Variants in MYO10 observed in about 807,000 individuals in gnomAD.
MYO10 encodes the protein myosin X.
Under a neutral mutation model 257.3 loss-of-function variants are expected in MYO10, and 133 were observed. The observed-to-expected ratio is 0.52, with a 90% confidence interval of 0.45 to 0.60. The LOEUF (loss-of-function observed/expected upper bound fraction) is 0.60. MYO10 is among the 20% of genes least tolerant of loss of function. The probability of loss-of-function intolerance (pLI) is 0.00; values close to 1 mark genes in which losing one functional copy is unlikely to be tolerated. For synonymous variants in MYO10, 1,104 were observed against 1,028.6 expected (o/e 1.07, Z -1.40); for missense variants, 2,399 against 2,635.7 (o/e 0.91, Z 1.97).
At chr5:16,764,917 G>GACCTCAGGTGATCTGCCC (rs1257815786) in intron 11 of MYO10, among the ~76,000 whole-genome samples, 1 of 152,114 alleles carries the variant, frequency 6.6e-6, no homozygotes, top group Admixed American at 6.6e-5. Flanking sequence ...TCAAACTCCT[G>GACCTCAGGTGATCTGCCC]ACCTCAGGTG....
intron 2 of MYO10, among the ~76,000 whole-genome samples, chr5:16,868,714 G>C (rs960807114): frequency 1.3e-5 from 2 of 152,134 alleles, no homozygotes; most frequent in African/African-American, 4.8e-5. Flanking sequence ...TGTGTGCTGG[G>C]GCCTTCAGAG....
chr5:16,836,530 T>C (rs931133908), intron 2 of MYO10, among the ~76,000 whole-genome samples: 13 of 152,130 alleles, frequency 8.5e-5, no homozygotes, highest in African/African-American at 3.1e-4. Flanking sequence ...AGATGGAAAC[T>C]GATGAAAATA....
intron 18 of MYO10, among the ~76,000 whole-genome samples, chr5:16,757,073 C>T (rs892381690): frequency 1.4e-5 from 2 of 143,936 alleles, no homozygotes; most frequent in Non-Finnish European, 3.0e-5. Flanking sequence ...GAGCTGAGAT[C>T]GTGCCATTGC....
At chr5:16,883,266 G>A (rs553673796) in intron 1 of MYO10, among the ~76,000 whole-genome samples, 11 of 152,192 alleles carry the variant, frequency 7.2e-5, no homozygotes, top group Non-Finnish European at 1.5e-4. Flanking sequence ...AAATGCACAT[G>A]AACATTCTTA....
At chr5:16,832,555 C>G (rs1310444867) in intron 2 of MYO10, among the ~76,000 whole-genome samples, 1 of 152,134 alleles carries the variant, frequency 6.6e-6, no homozygotes, top group South Asian at 2.1e-4. Context: ...ATGGATGGAA[C>G]CCCCAATTCT....
At chr5:16,691,239 C>T (rs1282063344) in intron 27 of MYO10, among the ~76,000 whole-genome samples, 2 of 146,054 alleles carry the variant, frequency 1.4e-5, no homozygotes, top group Non-Finnish European at 3.0e-5. Context: ...CACTGCACTC[C>T]AACCTGGGCG....
intron 19 of MYO10, among the ~76,000 whole-genome samples, chr5:16,746,184 G>A (rs955832313): frequency 2.6e-5 from 4 of 152,152 alleles, no homozygotes; most frequent in South Asian, 4.1e-4. Context: ...TGAGGCTGCC[G>A]TGGCATTTGT....
At chr5:16,918,275 T>C (rs937145487) in intron 1 of MYO10, among the ~76,000 whole-genome samples, 6 of 151,334 alleles carry the variant, frequency 4.0e-5, no homozygotes, top group Non-Finnish European at 8.8e-5. Context: ...ACAAGGCAGA[T>C]AGAAGCATCA....
At chr5:16,766,285 C>T (rs983799342) in intron 10 of MYO10, 87 bp from the exon 11 acceptor site, 59 of 924,552 alleles carry the variant, frequency 6.4e-5, no homozygotes, top group Non-Finnish European at 8.1e-5. Flanking sequence ...GAGAACACAC[C>T]TGAATCCCTC....
intron 29 of MYO10, among the ~76,000 whole-genome samples, 180 bp from the exon 30 acceptor site, chr5:16,684,115 C>T (rs557618346): frequency 1.3e-5 from 2 of 152,276 alleles, no homozygotes; most frequent in East Asian, 1.9e-4. Context: ...AGCCTCTACA[C>T]GGAGCAGAAT....
At chr5:16,738,568 G>T (rs1289161035) in intron 19 of MYO10, among the ~76,000 whole-genome samples, 1 of 151,838 alleles carries the variant, frequency 6.6e-6, no homozygotes, top group African/African-American at 2.4e-5. Flanking sequence ...AGCTCCCAGG[G>T]GAGGCAAGAC....
intron 3 of MYO10, among the ~76,000 whole-genome samples, chr5:16,796,384 CAG>C (rs1345378104): frequency 6.5e-5 from 8 of 122,448 alleles, no homozygotes; most frequent in African/African-American, 1.9e-4. Context: ...AAGAAAAGAA[CAG>C]AACACAACAC....
At chr5:16,874,496 G>A (rs187123493) in intron 2 of MYO10, among the ~76,000 whole-genome samples, 1 of 152,154 alleles carries the variant, frequency 6.6e-6, no homozygotes, top group East Asian at 1.9e-4. Flanking sequence ...TCCACCAGAT[G>A]CCCTAAATCA....
chr5:16,735,420 T>C (rs1189444061), intron 19 of MYO10, among the ~76,000 whole-genome samples: 5 of 152,056 alleles, frequency 3.3e-5, no homozygotes, highest in South Asian at 2.1e-4. Flanking sequence ...AATGCTACCA[T>C]GAGGCCAGGT....
intron 2 of MYO10, among the ~76,000 whole-genome samples, chr5:16,823,369 C>CG (rs1293831103): frequency 3.1e-5 from 4 of 129,092 alleles, no homozygotes; most frequent in African/African-American, 5.9e-5. Flanking sequence ...CACTTGAACC[C>CG]GGGGGGCAGA....
chr5:16,784,880 T>C (rs1247447761), intron 4 of MYO10, among the ~76,000 whole-genome samples: 3 of 152,312 alleles, frequency 2.0e-5, no homozygotes, highest in Admixed American at 2.0e-4. Context: ...TCCACTGGTC[T>C]AGACAACCAC....
At chr5:16,699,412 T>A (rs959197316) in intron 26 of MYO10, 38 bp downstream of exon 26, 6 of 1,598,416 alleles carry the variant, frequency 3.8e-6, no homozygotes, top group Non-Finnish European at 4.3e-6. Flanking sequence ...CGCCTCGCTC[T>A]CCCCCTAACC....
At chr5:16,718,791 A>C (rs1221466358) in intron 19 of MYO10, among the ~76,000 whole-genome samples, 1 of 152,044 alleles carries the variant, frequency 6.6e-6, no homozygotes, top group Non-Finnish European at 1.5e-5. Flanking sequence ...TTGTGAGTAC[A>C]CCAATCAACA....
At chr5:16,671,332 C>A in intron 38 of MYO10, 90 bp downstream of exon 38, 1 of 1,472,890 alleles carries the variant, frequency 6.8e-7, no homozygotes, top group South Asian at 1.3e-5. Context: ...TGCCTCATTT[C>A]TAAGTACCAG....
Sources: allele counts gnomAD v4.1 joint callset (sites outside exome capture counted in the v4.1 genomes callset), GRCh38; gene constraint gnomAD v4.1.1; transcripts MANE v1.5; gene names NCBI Gene and HGNC (gene_info 2026-07-23, HGNC 2026-07-21).